Variants in DHX38 observed in about 807,000 individuals in gnomAD.
DHX38 encodes the protein DEAH-box helicase 38.
DHX38 carries 100 observed loss-of-function variants against 153.1 expected under a neutral mutation model. That is an observed-to-expected ratio of 0.65 (90% confidence interval 0.56 to 0.77). The LOEUF (loss-of-function observed/expected upper bound fraction) is 0.77. DHX38 is among the 30% of genes least tolerant of loss of function. The pLI, the probability that DHX38 is intolerant of heterozygous loss-of-function variation, is 0.00. For synonymous variants in DHX38, 650 were observed against 631.7 expected (o/e 1.03, Z -0.43); for missense variants, 1,440 against 1,654.0 (o/e 0.87, Z 2.24).
At chr16:72,098,245 C>CAACATGGTG (rs1284712975) in intron 4 of DHX38, among the ~76,000 whole-genome samples, 1 of 152,014 alleles carries the variant, frequency 6.6e-6, no homozygotes, top group Non-Finnish European at 1.5e-5. Flanking sequence ...CCAGCCTGGC[C>CAACATGGTG]AACATGGTGA....
chr16:72,106,918 C>T (rs1390620818), intron 19 of DHX38, among the ~76,000 whole-genome samples: 2 of 152,124 alleles, frequency 1.3e-5, no homozygotes, highest in Non-Finnish European at 2.9e-5. Context: ...TGCCTGTAAT[C>T]CTGGCACTTT....
At chr16:72,110,742 G>C (rs1351916169) in intron 25 of DHX38, among the ~76,000 whole-genome samples, 1 of 152,250 alleles carries the variant, frequency 6.6e-6, no homozygotes, top group East Asian at 1.9e-4. Context: ...AGGGATGACT[G>C]AGTTAGGACT....
chr16:72,098,911 G>A lies in DHX38; in HGVS notation c.765-16G>A. ...GCTCAGTGACAGTTTTGTGATGCTG[G>A]TGCTGCTGTTCCCAGGTCTGTGAGG... On this transcript the variant is annotated splice_polypyrimidine_tract_variant and intron_variant, in intron 5 of 26. Coordinates refer to ENST00000268482, the MANE Select transcript of DHX38 (RefSeq NM_014003.4). The A allele has an allele frequency of 6.2e-7, 1 of 1,614,168 alleles. No homozygotes were observed. Among genetic ancestry groups the A allele is most frequent in the Non-Finnish European group, 8.5e-7 (1 of 1,179,996 alleles).
intron 8 of DHX38, 42 bp from the exon 9 acceptor site, chr16:72,100,394 T>TG (rs1363484290): frequency 6.2e-7 from 1 of 1,602,612 alleles, no homozygotes; most frequent in Non-Finnish European, 8.5e-7. Context: ...GGACGACCTT[T>TG]GGGGTGGCAA....
At position 72,103,079 on chromosome 16, in the gene DHX38, A is replaced by G; in HGVS notation, c.1505A>G (p.Glu502Gly). The G allele has an allele frequency of 6.8e-6, 11 of 1,614,196 alleles. No homozygotes were observed. The highest frequency in any genetic ancestry group is 9.3e-6 in the Non-Finnish European group (11 of 1,180,020). The change falls in exon 12 of 27, where the codon GAG becomes GGG. Residue 502 changes from glutamate (E) to glycine (G), a missense_variant. Around this residue, in one of 6 missense-constraint regions of DHX38, gnomAD observed 241 missense variants for 229.5 expected, o/e 1.05. Coordinates refer to ENST00000268482, the MANE Select transcript of DHX38 (RefSeq NM_014003.4). ...TEDGKVDYRT[E>G]QKFADHMKRK... The stretch of plus-strand genomic sequence containing the variant: ...AGGCTGCTGTGTGTTCCTAGGACAG[A>G]GCAGAAGTTTGCAGATCACATGAAG...
In DHX38 at chr16:72,111,144, C is replaced by T. The variant is rs897457931; in HGVS notation, c.3599+67C>T. ...CCCAGGAGGCTGCCAGAGACCAGGC[C>T]CTGATGCAGGGTCAGGATTTATGGG... On this transcript the variant is annotated intron_variant, in intron 26 of 26. Transcript: ENST00000268482. 18 of 1,480,132 alleles carry T rather than the reference C, an allele frequency of 1.2e-5. No homozygotes were observed. The African/African-American group carries it at 2.1e-4, about 17-fold the overall frequency. 91.7% of individuals were successfully genotyped at this position (1,480,132 alleles called of 1,614,324 possible).
At position 72,100,326 on chromosome 16, in the gene DHX38, C is replaced by A. The variant is rs564208819; in HGVS notation, c.1117-110C>A. On this transcript the variant is annotated intron_variant, in intron 8 of 26. Coordinates refer to ENST00000268482, the MANE Select transcript of DHX38 (RefSeq NM_014003.4). ...TGGGTAGAGGCCTGTGACATCTTTG[C>A]AGCTACCAGTGGCCTTCTGTCAGGA... 7 of 1,406,294 alleles carry A rather than the reference C, an allele frequency of 5.0e-6. No individual in the cohort carries two copies. In the African/African-American group the frequency reaches 7.1e-5, roughly 14 times the overall value. 87.1% of individuals were successfully genotyped at this position (1,406,294 alleles called of 1,614,324 possible).
At chr16:72,095,798 T>C (rs2042006118) in intron 1 of DHX38, among the ~76,000 whole-genome samples, 1 of 152,226 alleles carries the variant, frequency 6.6e-6, no homozygotes, top group Non-Finnish European at 1.5e-5. Context: ...CCTACATCCC[T>C]GTTACAGCTG....
Position 72,107,237 on chromosome 16 carries a change from G to A in DHX38, c.2601-103G>A, listed in dbSNP as rs986477076. ...TCAGTGATTCACTGAAGTAGTGGGT[G>A]GGGAGAAGAAATGAGAATTTCCTCC... On this transcript the variant is annotated intron_variant, in intron 19 of 26. Transcript: ENST00000268482. The surrounding 1 kb of genome is among the most constrained non-coding windows in gnomAD (Gnocchi z 5.3). The A allele has an allele frequency of 3.3e-6, 4 of 1,220,798 alleles. No individual in the cohort carries two copies. In the South Asian group the frequency reaches 4.4e-5, roughly 13 times the overall value. 75.6% of individuals were successfully genotyped at this position (1,220,798 alleles called of 1,614,324 possible). A position where few individuals can be genotyped will look rare whatever the true frequency, so the allele number is the denominator to read the frequency against.
intron 25 of DHX38, among the ~76,000 whole-genome samples, chr16:72,110,118 T>A (rs1295188825): frequency 6.6e-6 from 1 of 152,242 alleles, no homozygotes; most frequent in Non-Finnish European, 1.5e-5. Flanking sequence ...TGTTAACTGT[T>A]TCATTCTAGA....
chr16:72,096,230 C>A lies in DHX38; in HGVS notation c.73C>A (p.Leu25Ile). The change falls in exon 2 of 27, where the codon CTT becomes ATT. Residue 25 changes from leucine to isoleucine, a missense_variant. Transcript: ENST00000268482. ...TGATCTGGACTGTCAGGTTGGTGGT[C>A]TTATTTGCAAGTCCAAAAGTGCGGC... ...GTDLDCQVGG[L>I]ICKSKSAASE... 1 of 1,614,132 alleles carries A rather than the reference C, an allele frequency of 6.2e-7. No individual in the cohort carries two copies. The highest frequency in any genetic ancestry group is 8.5e-7 in the Non-Finnish European group (1 of 1,180,026).
intron 3 of DHX38, chr16:72,097,352 C>T: frequency 2.5e-6 from 1 of 399,844 alleles, no homozygotes; most frequent in Non-Finnish European, 4.6e-6. Context: ...CAAAAAAATC[C>T]AATGCTGTCC....
At chr16:72,103,875 G>C (rs538353530) in intron 13 of DHX38, 71 bp from the exon 14 acceptor site, 2 of 1,601,114 alleles carry the variant, frequency 1.2e-6, no homozygotes, top group African/African-American at 1.3e-5. Context: ...GCTAAGACTC[G>C]GACCCCAGTA....
chr16:72,096,115 C>A, intron 1 of DHX38, 24 bp from the exon 2 acceptor site: 2 of 1,565,042 alleles, frequency 1.3e-6, no homozygotes, highest in Non-Finnish European at 1.7e-6. Context: ...TTCTCTAGTA[C>A]CAAATGGTTT....
In DHX38 at chr16:72,104,892, C is replaced by T. The variant is rs1048464716; in HGVS notation, c.2152-135C>T. On this transcript the variant is annotated intron_variant, in intron 15 of 26. Transcript: ENST00000268482. The surrounding 1 kb of genome is among the most constrained non-coding windows in gnomAD (Gnocchi z 4.5). ...CTCTTGTAGAGGCCTCGCAGTCAGG[C>T]CCATGTGGAGGTGTGGTGGCCCTCA... The T allele has an allele frequency of 4.4e-6, 4 of 910,574 alleles. No individual in the cohort carries two copies. The highest frequency in any genetic ancestry group is 1.7e-5 in the African/African-American group (1 of 59,960). The allele number at this position is 910,574 out of a possible 1,614,324, so 56.4% of individuals were successfully genotyped here.
intron 4 of DHX38, 147 bp from the exon 5 acceptor site, chr16:72,098,498 C>T (rs2042051814): frequency 9.2e-7 from 1 of 1,092,526 alleles, no homozygotes; most frequent in African/African-American, 1.6e-5. Flanking sequence ...TAAAAACTGT[C>T]AAAACCGATC....
chr16:72,097,090 G>C (rs2042032049), intron 3 of DHX38, 81 bp downstream of exon 3: 1 of 1,474,358 alleles, frequency 6.8e-7, no homozygotes, highest in African/African-American at 1.4e-5. Context: ...AGGAGTTTTT[G>C]CAACACCCAT....
Position 72,108,488 on chromosome 16 carries a change from G to A in DHX38, c.3136G>A (p.Ala1046Thr). 6.2e-7 allele frequency: 1 copy of A among 1,614,164 alleles called. No individual in the cohort carries two copies. The highest frequency in any genetic ancestry group is 8.5e-7 in the Non-Finnish European group (1 of 1,180,024). The change falls in exon 23 of 27, where the codon GCT becomes ACT. Residue 1046 changes from alanine to threonine, a missense_variant. Physicochemically the swap from Ala to Thr is moderately conservative, Grantham distance 58. Coordinates refer to ENST00000268482, the MANE Select transcript of DHX38 (RefSeq NM_014003.4). ...KAMRKVREVR[A>T]QLKDIMVQQR... ...CCTGCCCTAGGTCCGGGAGGTGCGA[G>A]CTCAACTCAAGGACATCATGGTGCA...
In DHX38 at chr16:72,112,709, A is replaced by AGAG; in HGVS notation, c.*213_*215dup. The AGAG allele has an allele frequency of 1.4e-6, 1 of 711,070 alleles. No homozygotes were observed. The highest frequency in any genetic ancestry group is 2.5e-6 in the Non-Finnish European group (1 of 392,588). 44.0% of individuals were successfully genotyped at this position (711,070 alleles called of 1,614,324 possible). On this transcript the variant is annotated 3_prime_UTR_variant, in exon 27 of 27. Transcript: ENST00000268482. ...CACGGCATGGCGGGAGCGGGGCTGCAGAGTATCCGAGGTGCTGCCGGGGCA... is the reference window on the plus strand; with the variant it reads ...CACGGCATGGCGGGAGCGGGGCTGCAGAGGAGTATCCGAGGTGCTGCCGGGGCA...
Sources: allele counts gnomAD v4.1 joint callset (sites outside exome capture counted in the v4.1 genomes callset), GRCh38; gene constraint gnomAD v4.1.1; regional missense constraint gnomAD v4.1.1; non-coding constraint Gnocchi (gnomAD v3.1); transcripts MANE v1.5; gene names NCBI Gene and HGNC (gene_info 2026-07-23, HGNC 2026-07-21).